Variants in CLEC16A observed in about 807,000 individuals in gnomAD.
CLEC16A encodes C-type lectin domain containing 16A, also known as protein CLEC16A.
CLEC16A carries 51 observed loss-of-function variants against 109.5 expected under a neutral mutation model. The observed-to-expected ratio is 0.47, with a 90% CI of 0.37 to 0.59. CLEC16A has a LOEUF of 0.59. CLEC16A is among the 20% of genes least tolerant of loss of function. CLEC16A has a pLI of 0.00. For missense variants in CLEC16A, 1,339 were observed against 1,394.0 expected (o/e 0.96, Z 0.63); for synonymous variants, 673 against 564.2 (o/e 1.19, Z -2.73).
At chr16:11,072,765 C>G (rs1383838754) in intron 19 of CLEC16A, among the ~76,000 whole-genome samples, 1 of 152,356 alleles carries the variant, frequency 6.6e-6, no homozygotes, top group East Asian at 1.9e-4. Flanking sequence ...ACAGTCATTA[C>G]AATTCTTCCT....
At chr16:11,105,633 A>C (rs2051170651) in intron 19 of CLEC16A, among the ~76,000 whole-genome samples, 1 of 152,218 alleles carries the variant, frequency 6.6e-6, no homozygotes, top group African/African-American at 2.4e-5. Flanking sequence ...CACCTTTGGA[A>C]GCAGACAGAG....
chr16:11,051,838 C>T (rs1319584114), intron 18 of CLEC16A, among the ~76,000 whole-genome samples, 197 bp downstream of exon 18: 2 of 152,232 alleles, frequency 1.3e-5, no homozygotes, highest in Non-Finnish European at 2.9e-5. Flanking sequence ...TAGGGTTTGG[C>T]ATTCCGTTGC....
In CLEC16A at chr16:11,104,275, A is replaced by ATTT. The variant is rs5815613; in HGVS notation, c.2117-16332_2117-16330dup. ...AGCCATGTGCCACCATACCCAGCTA[A>ATTT]TTTTTTTTTTATTAAAATTATCTCC... On this transcript the variant is annotated intron_variant, in intron 19 of 23. Coordinates refer to ENST00000409790, the MANE Select transcript of CLEC16A (RefSeq NM_015226.3). Among the ~76,000 whole-genome samples the ATTT allele has an allele frequency of 3.2e-3, 486 of 150,954 alleles. 2 individuals carry two copies. The highest frequency in any genetic ancestry group is 4.4e-3 in the Non-Finnish European group (300 of 67,746).
intron 7 of CLEC16A, among the ~76,000 whole-genome samples, chr16:10,976,926 G>C (rs1279910569): frequency 6.6e-6 from 1 of 152,230 alleles, no homozygotes; most frequent in Non-Finnish European, 1.5e-5. Context: ...GGGGAGCCAG[G>C]GGATCTTGCC....
At chr16:10,957,693 A>G in intron 1 of CLEC16A, 89 bp from the exon 2 acceptor site, 1 of 1,369,834 alleles carries the variant, frequency 7.3e-7, no homozygotes, top group South Asian at 1.2e-5. Context: ...GCATTGCTGC[A>G]TTGTCTCCAA....
intron 10 of CLEC16A, among the ~76,000 whole-genome samples, chr16:10,996,731 C>G (rs138507912): frequency 1.2e-3 from 177 of 152,148 alleles, no homozygotes; most frequent in Middle Eastern, 3.4e-3. Context: ...ATTCACCTGT[C>G]TGGGGTGGAC....
intron 19 of CLEC16A, chr16:11,066,504 C>A (rs1239881573): frequency 1.3e-5 from 2 of 152,282 alleles, no homozygotes; most frequent in African/African-American, 4.8e-5. Flanking sequence ...TGAGACGTGC[C>A]ATGAGGGAGC....
rs201055968 is a variant in CLEC16A at position 11,181,285 on chromosome 16, C to A, written c.*2595C>A. On this transcript the variant is annotated 3_prime_UTR_variant, in exon 24 of 24. Coordinates refer to ENST00000409790, the MANE Select transcript of CLEC16A (RefSeq NM_015226.3). ...GCCAGTCCAGACAGGACACGCTGGG[C>A]CCCTGGCATCCAGAGGAAGAGCCAG... The A allele has an allele frequency of 2.0e-5, 3 of 152,316 alleles. No homozygotes were observed. Among genetic ancestry groups the A allele is most frequent in the Non-Finnish European group, 4.4e-5 (3 of 68,132 alleles). The allele number at this position is 152,316 out of a possible 1,614,324, so 9.4% of individuals were successfully genotyped here.
intron 11 of CLEC16A, among the ~76,000 whole-genome samples, chr16:11,008,826 TAAA>T (rs35514760): frequency 2.3e-5 from 2 of 86,272 alleles, no homozygotes; most frequent in Admixed American, 1.3e-4. Context: ...CCGTCTCTAC[TAAA>T]AAAAAAAAAA....
At chr16:11,006,825 C>T (rs2045049642) in intron 11 of CLEC16A, among the ~76,000 whole-genome samples, 1 of 152,276 alleles carries the variant, frequency 6.6e-6, no homozygotes, top group Non-Finnish European at 1.5e-5. Flanking sequence ...CCCATCCACT[C>T]CCTTCCCCAG....
chr16:10,978,194 T>C (rs532571013), intron 8 of CLEC16A, among the ~76,000 whole-genome samples: 2 of 152,278 alleles, frequency 1.3e-5, no homozygotes, highest in African/African-American at 4.8e-5. Flanking sequence ...GCTGGTAACA[T>C]GCAGGGCCTC....
At chr16:11,012,021 C>A (rs1042776358) in intron 11 of CLEC16A, among the ~76,000 whole-genome samples, 4 of 152,086 alleles carry the variant, frequency 2.6e-5, no homozygotes, top group African/African-American at 9.7e-5. Flanking sequence ...ATTTTCCCTC[C>A]CCCATGCCCA....
chr16:11,092,071 A>T (rs2152966452), intron 19 of CLEC16A, among the ~76,000 whole-genome samples: 1 of 152,290 alleles, frequency 6.6e-6, no homozygotes, highest in Non-Finnish European at 1.5e-5. Context: ...TAGGCCAAGC[A>T]CAGTGGCTCA....
chr16:10,996,679 G>T (rs59419574), intron 10 of CLEC16A, among the ~76,000 whole-genome samples: 6 of 151,828 alleles, frequency 4.0e-5, no homozygotes, highest in Non-Finnish European at 7.4e-5. Context: ...CTCTTCCAGC[G>T]TCTGCATGGG....
At chr16:11,024,788 G>A (rs550418983) in intron 12 of CLEC16A, 33 bp from the exon 13 acceptor site, 21 of 1,516,384 alleles carry the variant, frequency 1.4e-5, no homozygotes, top group African/African-American at 2.7e-5. Flanking sequence ...CTTGTGCACC[G>A]TGAGGCTCAT....
intron 23 of CLEC16A, among the ~76,000 whole-genome samples, chr16:11,170,896 T>C (rs2068483415): frequency 6.6e-6 from 1 of 152,076 alleles, no homozygotes; most frequent in Admixed American, 6.5e-5. Flanking sequence ...TGCAGAACAG[T>C]GCGGGAGGCT....
chr16:11,114,593 A>G (rs1459384376), intron 19 of CLEC16A, among the ~76,000 whole-genome samples: 5 of 152,312 alleles, frequency 3.3e-5, no homozygotes, highest in African/African-American at 1.2e-4. Context: ...GAGGCTTTAG[A>G]GGGTGGGCCG....
At chr16:11,056,013 G>A (rs914821798) in intron 18 of CLEC16A, among the ~76,000 whole-genome samples, 4 of 152,128 alleles carry the variant, frequency 2.6e-5, no homozygotes, top group Non-Finnish European at 5.9e-5. Context: ...TATAAAATAA[G>A]ACCAAAACAG....
intron 22 of CLEC16A, chr16:11,156,973 C>T (rs1158244211): frequency 1.4e-6 from 1 of 729,776 alleles, no homozygotes; most frequent in East Asian, 8.1e-5. Context: ...ACTTGGCAGC[C>T]CTCACAGGCA....
Sources: allele counts gnomAD v4.1 joint callset (sites outside exome capture counted in the v4.1 genomes callset), GRCh38; gene constraint gnomAD v4.1.1; transcripts MANE v1.5; gene names NCBI Gene and HGNC (gene_info 2026-07-23, HGNC 2026-07-21).